KIF17: variants seen among roughly 807,000 people sequenced by gnomAD.
KIF17 encodes the protein kinesin-like protein KIF17.
A neutral mutation model predicts 96.8 loss-of-function variants in KIF17; 80 were observed. That is an observed-to-expected ratio of 0.83 (90% CI 0.69 to 1.00). The LOEUF is 1.00. KIF17 is among the 50% of genes least tolerant of loss of function. The pLI is 0.00. For synonymous variants in KIF17, 567 were observed against 587.5 expected (o/e 0.97, Z 0.51); for missense variants, 1,280 against 1,372.9 (o/e 0.93, Z 1.07).
At position 20,699,561 on chromosome 1, in the gene KIF17, G is replaced by A. The variant is rs766646749; in HGVS notation, c.1124-1073C>T. On this transcript the variant is annotated intron_variant, in intron 5 of 14. Coordinates refer to ENST00000400463, the MANE Select transcript of KIF17 (RefSeq NM_001122819.3). This position sits in a 1 kb window ranked among gnomAD's most constrained non-coding sequence, Gnocchi z 4.3. ...AGCCTGGGCGAAAGAGCAAGACTCC[G>A]TCTCAAAAATAAATAAATAAATAGC... is the stretch of plus-strand genomic sequence containing the variant. Among the ~76,000 whole-genome samples, 8 of 152,278 alleles carry A rather than the reference G, an allele frequency of 5.3e-5. No homozygotes were observed. Among genetic ancestry groups the A allele is most frequent in the South Asian group, 2.1e-4 (1 of 4,816 alleles).
chr1:20,717,581 C>T lies in KIF17; in HGVS notation c.126G>A (p.Pro42=), dbSNP rs560896028. The change falls in exon 1 of 15, where the codon CCG becomes CCA. Residue 42 remains proline (P), a synonymous_variant. Transcript: ENST00000400463. The part of the protein sequence containing the change: ...CARAQCCIQN[P]GAADEPPKQF... Reference sequence around the variant, plus strand: ...GCTTGGGCGGCTCGTCGGCGGCGCCCGGGTTCTGGATGCAGCACTGGGCGC... The same window carrying T: ...GCTTGGGCGGCTCGTCGGCGGCGCCTGGGTTCTGGATGCAGCACTGGGCGC... 5.8e-5 allele frequency: 94 copies of T among 1,611,674 alleles called. No homozygotes were observed. In the East Asian group the frequency reaches 1.6e-3, roughly 28 times the overall value.
chr1:20,684,748 G>T, intron 10 of KIF17, 61 bp downstream of exon 10: 1 of 1,492,944 alleles, frequency 6.7e-7, no homozygotes. Flanking sequence ...CCTCCATCCT[G>T]GAAGGCAGCC....
In KIF17 at chr1:20,704,591, G is replaced by A. The variant is rs201625621; in HGVS notation, c.979C>T (p.Arg327Cys). The A allele has an allele frequency of 2.8e-5, 46 of 1,614,048 alleles. No homozygotes were observed. Among genetic ancestry groups the A allele is most frequent in the African/African-American group, 6.7e-5 (5 of 74,918 alleles). Residue 327 changes from arginine (R) to cysteine (C), a missense_variant, in exon 5 of 15, where the codon CGC becomes TGC. By Grantham distance (180) the Arg-to-Cys change is radical (BLOSUM62 -3). Transcript: ENST00000400463. This position sits in a 1 kb window ranked among gnomAD's most constrained non-coding sequence, Gnocchi z 6.8. ...NNYDETLSTL[R>C]YANRAKNIRN... ...ATGTTCTTGGCCCGGTTGGCGTAGC[G>A]CAGCGTGCTGAGTGTCTCATCGTAG...
intron 1 of KIF17, among the ~76,000 whole-genome samples, chr1:20,716,566 C>T (rs1022495671): frequency 1.3e-5 from 2 of 152,162 alleles, no homozygotes; most frequent in Non-Finnish European, 2.9e-5. Context: ...ACTGGGGGAG[C>T]TGGGAGTGGG....
intron 6 of KIF17, 98 bp downstream of exon 6, chr1:20,698,281 A>C: frequency 1.2e-6 from 1 of 802,808 alleles, no homozygotes; most frequent in Non-Finnish European, 2.2e-6. Flanking sequence ...CGGTGAAGGT[A>C]CGGTGATATC....
At chr1:20,680,066 C>A (rs1226512274) in intron 11 of KIF17, among the ~76,000 whole-genome samples, 2 of 152,168 alleles carry the variant, frequency 1.3e-5, no homozygotes, top group Non-Finnish European at 2.9e-5. Flanking sequence ...CTCACTGCAA[C>A]CTCCACCTCC....
At chr1:20,661,995 C>G (rs760325555), downstream of KIF17, among the ~76,000 whole-genome samples, 1 of 152,258 alleles carries the variant, frequency 6.6e-6, no homozygotes, top group Non-Finnish European at 1.5e-5. Flanking sequence ...GTAGACTGGC[C>G]TAGCGATGGT....
At chr1:20,715,386 G>A (rs981386445) in intron 2 of KIF17, 107 bp downstream of exon 2, 56 of 1,432,942 alleles carry the variant, frequency 3.9e-5, no homozygotes, top group African/African-American at 1.1e-4. Context: ...TGATCTGCAC[G>A]GGTCAGGCCG....
intron 6 of KIF17, among the ~76,000 whole-genome samples, chr1:20,697,614 T>C (rs2054164679): frequency 6.6e-6 from 1 of 151,872 alleles, no homozygotes; most frequent in Non-Finnish European, 1.5e-5. Context: ...CAAAAATAAG[T>C]AAGTAAATAA....
chr1:20,691,924 A>C (rs896823894), intron 6 of KIF17, among the ~76,000 whole-genome samples: 1 of 152,162 alleles, frequency 6.6e-6, no homozygotes, highest in Non-Finnish European at 1.5e-5. Flanking sequence ...GTTTTTATTC[A>C]CCCACTTCTC....
intron 6 of KIF17, among the ~76,000 whole-genome samples, chr1:20,694,428 T>C (rs2054097510): frequency 6.6e-6 from 1 of 150,988 alleles, no homozygotes; most frequent in African/African-American, 2.4e-5. Flanking sequence ...TGCAACATAT[T>C]CAGGCCTCTG....
At chr1:20,695,946 G>C (rs2054130978) in intron 6 of KIF17, among the ~76,000 whole-genome samples, 1 of 151,966 alleles carries the variant, frequency 6.6e-6, no homozygotes, top group Non-Finnish European at 1.5e-5. Flanking sequence ...CTGACCCCCA[G>C]CTCTTGCTTG....
At position 20,684,990 on chromosome 1, in the gene KIF17, C is replaced by A; in HGVS notation, c.2050G>T (p.Glu684Ter). The part of the protein sequence containing the change: ...EVDLASEVAL[E>*]VVRTAEPGVW... ...CCAGGCTCTGCTGTCCGCACCACCT[C>A]TAAGGCCACTTCCGAGGCCAGATCT... Residue 684 changes from glutamate (E) to a stop codon, truncating the protein, a stop_gained, in exon 10 of 15, where the codon GAG becomes TAG. Transcript: ENST00000400463. LOFTEE classifies it high-confidence loss of function. The A allele has an allele frequency of 6.2e-7, 1 of 1,604,396 alleles. No homozygotes were observed. Among genetic ancestry groups the A allele is most frequent in the Non-Finnish European group, 8.5e-7 (1 of 1,175,688 alleles).
intron 6 of KIF17, chr1:20,694,103 C>CT (rs532701962): frequency 1.1e-3 from 159 of 145,312 alleles, no homozygotes; most frequent in South Asian, 9.6e-3. Context: ...CCATCCTGTC[C>CT]TTTTTTTTTT....
intron 2 of KIF17, 116 bp downstream of exon 2, chr1:20,715,377 G>A: frequency 2.2e-6 from 3 of 1,357,838 alleles, no homozygotes; most frequent in Non-Finnish European, 3.1e-6. Context: ...CTTCTCTGCT[G>A]ATCTGCACGG....
Position 20,664,142 on chromosome 1 carries a change from GT to G in KIF17, c.*441del, listed in dbSNP as rs2053482875. 1 of 301,550 alleles carries G rather than the reference GT, an allele frequency of 3.3e-6. No homozygotes were observed. The highest frequency in any genetic ancestry group is 4.5e-5 in the Admixed American group (1 of 22,466). 18.7% of individuals were successfully genotyped at this position (301,550 alleles called of 1,614,324 possible). ...CTGTGCCACCCCATGGGGCAGGGCA[GT>G]GCTTAGGAAGTGGGGCCAGTCAGAC... On this transcript the variant is annotated 3_prime_UTR_variant, in exon 15 of 15. Coordinates refer to ENST00000400463, the MANE Select transcript of KIF17 (RefSeq NM_001122819.3).
In KIF17 at chr1:20,712,176, A is replaced by C. The variant is rs866726664; in HGVS notation, c.480+1278T>G. The stretch of plus-strand genomic sequence containing the variant: ...AGGGTCCAGGGTAGTGACGAAGGGG[A>C]GGAGGGCTCCCTGCTGCTCCAGTGC... On this transcript the variant is annotated intron_variant, in intron 3 of 14. Coordinates refer to ENST00000400463, the MANE Select transcript of KIF17 (RefSeq NM_001122819.3). Among the ~76,000 whole-genome samples the C allele has an allele frequency of 2.0e-4, 31 of 151,970 alleles. 1 individual carries two copies. Among genetic ancestry groups the C allele is most frequent in the African/African-American group, 7.5e-4 (31 of 41,376 alleles).
At position 20,701,150 on chromosome 1, in the gene KIF17, G is replaced by A. The variant is rs1254565513; in HGVS notation, c.1124-2662C>T. Reference sequence around the variant, plus strand: ...CAGTCACCTTTATAAATTAAGACACGAGGCCAGGCGAGGTGGCTCATGCCT... The same window carrying A: ...CAGTCACCTTTATAAATTAAGACACAAGGCCAGGCGAGGTGGCTCATGCCT... On this transcript the variant is annotated intron_variant, in intron 5 of 14. Transcript: ENST00000400463. 3.9e-5 allele frequency among the ~76,000 whole-genome samples: 6 copies of A among 152,044 alleles called. No individual in the cohort carries two copies. In the South Asian group the frequency reaches 6.2e-4, roughly 16 times the overall value.
chr1:20,685,049 G>C lies in KIF17; in HGVS notation c.2020-29C>G, dbSNP rs762662681. ...AGTGTGAAGAGAAACCCAGGTGGAG[G>C]TGGGAAGGCCGCCCCAACCCCCGCC... On this transcript the variant is annotated intron_variant, in intron 9 of 14. Transcript: ENST00000400463. The surrounding 1 kb of genome is among the most constrained non-coding windows in gnomAD (Gnocchi z 4.1). 6.5e-6 allele frequency: 10 copies of C among 1,548,728 alleles called. No individual in the cohort carries two copies. Among genetic ancestry groups the C allele is most frequent in the Non-Finnish European group, 7.9e-6 (9 of 1,141,504 alleles).
Sources: allele counts gnomAD v4.1 joint callset (sites outside exome capture counted in the v4.1 genomes callset), GRCh38; gene constraint gnomAD v4.1.1; non-coding constraint Gnocchi (gnomAD v3.1); transcripts MANE v1.5; gene names NCBI Gene and HGNC (gene_info 2026-07-23, HGNC 2026-07-21).